Variants in WASL observed in about 807,000 individuals in gnomAD.
WASL encodes the protein actin nucleation-promoting factor WASL.
Under a neutral mutation model 55.5 loss-of-function variants are expected in WASL, and 20 were observed. The ratio of observed to expected loss-of-function variants is 0.36; its 90% CI spans 0.25 to 0.52. The LOEUF (loss-of-function observed/expected upper bound fraction) is 0.52. Ranked by LOEUF, WASL falls within the 20% of genes least tolerant of loss-of-function variation. WASL has a pLI of 0.92. For missense variants in WASL, 504 were observed against 622.5 expected (o/e 0.81, Z 2.03); for synonymous variants, 249 against 217.6 (o/e 1.14, Z -1.27).
chr7:123,682,928 T>C lies in WASL; in HGVS notation c.*1591A>G, dbSNP rs2116758261. The C allele has an allele frequency of 6.6e-6, 1 of 152,294 alleles. No individual in the cohort carries two copies. The highest frequency in any genetic ancestry group is 1.5e-5 in the Non-Finnish European group (1 of 67,988). The allele number at this position is 152,294 out of a possible 1,614,324, so 9.4% of individuals were successfully genotyped here. On this transcript the variant is annotated 3_prime_UTR_variant, in exon 11 of 11. Transcript: ENST00000223023. ...CATTCTTTGAATAACTTAAGTATTT[T>C]ACTGCACCACTTACTGCTTTCAGCA... is the stretch of plus-strand genomic sequence containing the variant.
chr7:123,702,964 G>A (rs1355384302), intron 5 of WASL, among the ~76,000 whole-genome samples: 1 of 152,156 alleles, frequency 6.6e-6, no homozygotes, highest in Admixed American at 6.5e-5. Flanking sequence ...CCACTAGAAA[G>A]TCTTCTCTGT....
intron 10 of WASL, among the ~76,000 whole-genome samples, chr7:123,685,298 T>C (rs1562955871): frequency 6.6e-6 from 1 of 151,984 alleles, no homozygotes; most frequent in Non-Finnish European, 1.5e-5. Flanking sequence ...AGACCCTACA[T>C]GATTTGTCCA....
At chr7:123,718,996 G>A (rs1000116087) in intron 1 of WASL, among the ~76,000 whole-genome samples, 1 of 152,148 alleles carries the variant, frequency 6.6e-6, no homozygotes, top group African/African-American at 2.4e-5. Flanking sequence ...TCCAGTTACA[G>A]CATACTTACT....
chr7:123,695,681 A>G, intron 7 of WASL, 142 bp downstream of exon 7: 1 of 707,176 alleles, frequency 1.4e-6, no homozygotes, highest in Non-Finnish European at 2.3e-6. Flanking sequence ...TATGGTTTTA[A>G]ACCTCAGTTG....
In WASL at chr7:123,706,313, C is replaced by T. The variant is rs1188722685; in HGVS notation, c.400G>A (p.Val134Ile). 6.2e-7 allele frequency: 1 copy of T among 1,613,546 alleles called. No homozygotes were observed. The highest frequency in any genetic ancestry group is 1.3e-5 in the African/African-American group (1 of 74,884). Residue 134 changes from valine to isoleucine, a missense_variant, in exon 4 of 11, where the codon GTT becomes ATT. Val to Ile is a conservative substitution (Grantham distance 29). This residue lies in a region of WASL where 230 missense variants were observed against 271.9 expected (regional missense o/e 0.85). Coordinates refer to ENST00000223023, the MANE Select transcript of WASL (RefSeq NM_003941.4). ...EEEAKKFRKA[V>I]TDLLGRRQRK... ...TGTCGACGGCCCAAAAGGTCTGTAACTGCTTTTCGAAATTTTTTTGCTTCT... is the reference window on the plus strand; with the variant it reads ...TGTCGACGGCCCAAAAGGTCTGTAATTGCTTTTCGAAATTTTTTTGCTTCT...
chr7:123,684,469 AGT>A lies in WASL; in HGVS notation c.*48_*49del, dbSNP rs770740362. 77 of 522,808 alleles carry A rather than the reference AGT, an allele frequency of 1.5e-4. No individual in the cohort carries two copies. The highest frequency in any genetic ancestry group is 1.4e-3 in the African/African-American group (69 of 49,630). The allele number at this position is 522,808 out of a possible 1,614,324, so 32.4% of individuals were successfully genotyped here. A position where few individuals can be genotyped will look rare whatever the true frequency, so the allele number is the denominator to read the frequency against. Reference sequence around the variant, plus strand: ...TTTACAGAATCCACAGACAGAAAGTAGTGTTTAGTATTTCACCTTAAAAATAT... The same window carrying A: ...TTTACAGAATCCACAGACAGAAAGTAGTTTAGTATTTCACCTTAAAAATAT... On this transcript the variant is annotated 3_prime_UTR_variant, in exon 11 of 11. Transcript: ENST00000223023.
intron 4 of WASL, among the ~76,000 whole-genome samples, chr7:123,705,225 T>C (rs1001723460): frequency 6.6e-6 from 1 of 152,056 alleles, no homozygotes; most frequent in East Asian, 1.9e-4. Flanking sequence ...GGACATGTTT[T>C]TGAAGGCAGA....
rs1001535034 is a variant in WASL at position 123,736,005 on chromosome 7, C to A, written c.117+12613G>T. On this transcript the variant is annotated intron_variant, in intron 1 of 10. Transcript: ENST00000223023. ...AGATCCCTTCAAACTAGTAATAAAG[C>A]GAAAAATCAGAAAAGCAGTCAGAGA... 1.3e-5 allele frequency among the ~76,000 whole-genome samples: 2 copies of A among 151,418 alleles called. 1 individual carries two copies.
chr7:123,748,664 G>C lies in WASL; in HGVS notation c.71C>G (p.Pro24Arg), dbSNP rs768654148. The C allele has an allele frequency of 6.2e-7, 1 of 1,612,996 alleles. No homozygotes were observed. Among genetic ancestry groups the C allele is most frequent in the Non-Finnish European group, 8.5e-7 (1 of 1,179,606 alleles). The change falls in exon 1 of 11, where the codon CCG becomes CGG. Residue 24 changes from proline to arginine, a missense_variant. Physicochemically the swap from Pro to Arg is moderately radical, Grantham distance 103. This residue lies in a region of WASL where 230 missense variants were observed against 271.9 expected (regional missense o/e 0.85). Transcript: ENST00000223023. ...VTNVGSLLLT[P>R]QENESLFTFL... ...AGTGAAGAGGGACTCGTTCTCCTGC[G>C]GGGTGAGCAACAGGGACCCCACGTT...
intron 1 of WASL, among the ~76,000 whole-genome samples, chr7:123,713,995 C>A (rs1283352267): frequency 6.6e-6 from 1 of 152,100 alleles, no homozygotes; most frequent in Admixed American, 6.5e-5. Flanking sequence ...AGAACCAATC[C>A]CCCATGGATA....
At chr7:123,708,826 C>G (rs1446474963) in intron 2 of WASL, among the ~76,000 whole-genome samples, 1 of 146,802 alleles carries the variant, frequency 6.8e-6, no homozygotes, top group Non-Finnish European at 1.5e-5. Context: ...AACCAACAGG[C>G]ATAATTTAAA....
intron 4 of WASL, among the ~76,000 whole-genome samples, chr7:123,704,975 A>T (rs1073670): frequency 4.6e-5 from 7 of 151,958 alleles, no homozygotes; most frequent in Non-Finnish European, 2.9e-5. Context: ...ATGGTTAAGG[A>T]CTATAGATTT....
intron 4 of WASL, among the ~76,000 whole-genome samples, chr7:123,705,375 G>A (rs1803653285): frequency 6.6e-6 from 1 of 152,184 alleles, no homozygotes; most frequent in African/African-American, 2.4e-5. Context: ...TCAGGATACA[G>A]GACATGGATC....
chr7:123,696,790 A>T lies in WASL; in HGVS notation c.461-43T>A, dbSNP rs957080826. 11 of 1,276,162 alleles carry T rather than the reference A, an allele frequency of 8.6e-6. No homozygotes were observed. The Admixed American group carries it at 2.9e-4, about 34-fold the overall frequency. 79.1% of individuals were successfully genotyped at this position (1,276,162 alleles called of 1,614,324 possible). A position where few individuals can be genotyped will look rare whatever the true frequency, so the allele number is the denominator to read the frequency against. ...TTATATAAAAGGGATATAATTTAAG[A>T]TAACTGATATACAATCATAATTTAC... On this transcript the variant is annotated intron_variant, in intron 5 of 10. Transcript: ENST00000223023.
At chr7:123,727,738 G>A (rs1247979343) in intron 1 of WASL, among the ~76,000 whole-genome samples, 2 of 151,926 alleles carry the variant, frequency 1.3e-5, no homozygotes, top group Admixed American at 6.6e-5. Flanking sequence ...TTATTTTGGG[G>A]GTATGGTCAT....
intron 1 of WASL, among the ~76,000 whole-genome samples, chr7:123,735,255 G>C (rs939945161): frequency 4.0e-5 from 6 of 151,290 alleles, no homozygotes; most frequent in Admixed American, 4.0e-4. Flanking sequence ...AGATCAATTA[G>C]CAATTATACA....
chr7:123,695,363 T>C (rs565123319), intron 7 of WASL, among the ~76,000 whole-genome samples: 4 of 152,216 alleles, frequency 2.6e-5, no homozygotes, highest in Middle Eastern at 3.4e-3. Context: ...CTCTTTAAAA[T>C]AATGCATCCA....
chr7:123,686,559 C>T (rs926936099), intron 10 of WASL, among the ~76,000 whole-genome samples: 1 of 151,856 alleles, frequency 6.6e-6, no homozygotes, highest in Non-Finnish European at 1.5e-5. Flanking sequence ...ATTATATTAG[C>T]GTGACTATTA....
At chr7:123,704,587 A>G (rs1803638326) in intron 5 of WASL, 47 bp downstream of exon 5, 1 of 1,441,022 alleles carries the variant, frequency 6.9e-7, no homozygotes, top group Non-Finnish European at 9.6e-7. Flanking sequence ...CAAGGATTAA[A>G]CTGTCATCTA....
Sources: gnomAD v4.1 joint callset for allele counts (sites outside exome capture counted in the v4.1 genomes callset) on GRCh38, gnomAD v4.1.1 for gene constraint, gnomAD v4.1.1 regional missense constraint, MANE v1.5 for transcripts, NCBI Gene and HGNC (gene_info 2026-07-23, HGNC 2026-07-21) for gene names.